The following P2RY12 variants were observed in gnomAD, a reference collection of about 807,000 sequenced individuals.
The protein encoded by P2RY12 is P2Y purinoceptor 12.
P2RY12 carries 3 observed loss-of-function variants against 4.5 expected under a neutral mutation model. The ratio of observed to expected loss-of-function variants is 0.67; its 90% CI spans 0.31 to 1.74. The LOEUF (loss-of-function observed/expected upper bound fraction) is 1.74, where lower values mean the gene tolerates loss of function less well. Ranked by LOEUF, P2RY12 falls within the 40% of genes most tolerant of loss-of-function variation. The probability of loss-of-function intolerance (pLI) is 0.09; values close to 1 mark genes in which losing one functional copy is unlikely to be tolerated. For missense variants in P2RY12, 356 were observed against 407.8 expected, an observed-to-expected ratio of 0.87 and a Z score of 1.09; for synonymous variants, 148 against 154.1, an observed-to-expected ratio of 0.96 and a Z score of 0.29.
At chr3:151,380,053 C>T in intron 1 of P2RY12, 1 of 1,050,756 alleles carries the variant, frequency 9.5e-7, no homozygotes, top group Non-Finnish European at 1.4e-6. Flanking sequence ...ATGAATGTTG[C>T]CAGAGGAAGT....
intron 1 of P2RY12, chr3:151,365,139 G>A (rs760921361): frequency 3.0e-5 from 48 of 1,613,914 alleles, no homozygotes; most frequent in Non-Finnish European, 4.0e-5. Flanking sequence ...TGACAATGCG[G>A]CCAATCGCTA....
Position 151,338,824 on chromosome 3 carries a change from T to C in P2RY12, c.22A>G (p.Thr8Ala). The change falls in exon 3 of 3, where the codon ACC becomes GCC. Residue 8 changes from threonine (T) to alanine (A), a missense_variant. Thr to Ala is a moderately conservative substitution (Grantham distance 58). Coordinates refer to ENST00000302632, the MANE Select transcript of P2RY12 (RefSeq NM_022788.5). MQAVDNLTSAPGNTSLCT... is the reference protein window; with the variant it reads MQAVDNLASAPGNTSLCT... ...AGACTGGTGTTACCAGGCGCAGAGG[T>C]GAGGTTGTCGACGGCTTGCATTTCT... is the stretch of plus-strand genomic sequence containing the variant. 6.2e-7 allele frequency: 1 copy of C among 1,613,612 alleles called. No homozygotes were observed. The highest frequency in any genetic ancestry group is 8.5e-7 in the Non-Finnish European group (1 of 1,179,818).
chr3:151,365,595 G>A (rs1476515994), intron 1 of P2RY12, among the ~76,000 whole-genome samples: 5 of 152,132 alleles, frequency 3.3e-5, no homozygotes, highest in Non-Finnish European at 5.9e-5. Flanking sequence ...ATTTATTCAC[G>A]AAACTAAAAA....
At chr3:151,343,682 G>C (rs1201686183) in intron 1 of P2RY12, among the ~76,000 whole-genome samples, 2 of 152,276 alleles carry the variant, frequency 1.3e-5, no homozygotes, top group East Asian at 1.9e-4. Flanking sequence ...GCTAACTTTG[G>C]TTGGTTTGGT....
intron 1 of P2RY12, chr3:151,350,338 G>A (rs1753066109): frequency 2.7e-6 from 2 of 736,768 alleles, no homozygotes; most frequent in Non-Finnish European, 4.0e-6. Flanking sequence ...ACATTGAAAT[G>A]TGAACAAGCA....
chr3:151,353,123 CA>C (rs1753444773), intron 1 of P2RY12, among the ~76,000 whole-genome samples: 1 of 152,124 alleles, frequency 6.6e-6, no homozygotes, highest in Non-Finnish European at 1.5e-5. Flanking sequence ...TCCATTAACA[CA>C]AACAAATAAA....
intron 1 of P2RY12, among the ~76,000 whole-genome samples, chr3:151,349,021 A>G (rs1752911508): frequency 6.6e-6 from 1 of 152,246 alleles, no homozygotes; most frequent in Admixed American, 6.5e-5. Flanking sequence ...AGTGCTTGCC[A>G]TGGGCAAAAA....
intron 1 of P2RY12, among the ~76,000 whole-genome samples, chr3:151,343,491 T>G (rs906555630): frequency 6.6e-6 from 1 of 152,216 alleles, no homozygotes; most frequent in African/African-American, 2.4e-5. Context: ...GGAGGAAGAC[T>G]GCCAGTTAGA....
chr3:151,380,890 C>G (rs778422735), intron 1 of P2RY12, among the ~76,000 whole-genome samples: 2 of 152,176 alleles, frequency 1.3e-5, no homozygotes, highest in Non-Finnish European at 2.9e-5. Flanking sequence ...AGCTTGGATG[C>G]CACATTATCA....
At chr3:151,379,288 TCTTCCCACATCAGGGG>T (rs1274876985) in intron 1 of P2RY12, among the ~76,000 whole-genome samples, 2 of 152,224 alleles carry the variant, frequency 1.3e-5, no homozygotes, top group Non-Finnish European at 2.9e-5. Context: ...GAAAGATCGC[TCTTCCCACATCAGGGG>T]CTCTTTATTC....
At chr3:151,366,116 C>A in intron 1 of P2RY12, 1 of 859,512 alleles carries the variant, frequency 1.2e-6, no homozygotes, top group Non-Finnish European at 1.6e-6. Flanking sequence ...TTTTTTCTTT[C>A]TCTGTCCAAA....
At chr3:151,383,407 G>A (rs1269151129) in intron 1 of P2RY12, among the ~76,000 whole-genome samples, 2 of 152,216 alleles carry the variant, frequency 1.3e-5, no homozygotes, top group Non-Finnish European at 2.9e-5. Context: ...TAATTGTACA[G>A]CAAACACAAA....
At chr3:151,344,212 G>A (rs2149980591) in intron 1 of P2RY12, among the ~76,000 whole-genome samples, 1 of 151,902 alleles carries the variant, frequency 6.6e-6, no homozygotes, top group South Asian at 2.1e-4. Context: ...TATAAGCTGT[G>A]TAGAACAAAG....
chr3:151,357,131 A>T (rs1754031820), intron 1 of P2RY12: 1 of 1,183,468 alleles, frequency 8.4e-7, no homozygotes, highest in East Asian at 2.5e-5. Flanking sequence ...ATGACTCAGT[A>T]TATCTATGGT....
chr3:151,371,969 T>C (rs1247419257), intron 1 of P2RY12, among the ~76,000 whole-genome samples: 1 of 152,228 alleles, frequency 6.6e-6, no homozygotes, highest in Non-Finnish European at 1.5e-5. Flanking sequence ...TTCTAATTTG[T>C]ATGTTACAGA....
intron 1 of P2RY12, among the ~76,000 whole-genome samples, chr3:151,379,371 A>ATTTGTC (rs1193131665): frequency 1.3e-5 from 2 of 152,162 alleles, no homozygotes; most frequent in African/African-American, 4.8e-5. Flanking sequence ...ATTTTAAGAA[A>ATTTGTC]TTTGTCTTTC....
intron 1 of P2RY12, among the ~76,000 whole-genome samples, chr3:151,354,067 G>A (rs1324324708): frequency 6.8e-6 from 1 of 148,110 alleles, no homozygotes; most frequent in Non-Finnish European, 1.5e-5. Flanking sequence ...CGTGAACCCG[G>A]GAGGCGGAGC....
At chr3:151,347,089 A>T (rs184554314) in intron 1 of P2RY12, among the ~76,000 whole-genome samples, 2 of 152,246 alleles carry the variant, frequency 1.3e-5, no homozygotes, top group Non-Finnish European at 2.9e-5. Flanking sequence ...AACTTCTTAG[A>T]TACCTCTTCA....
chr3:151,339,994 T>C (rs1751603669), intron 2 of P2RY12, among the ~76,000 whole-genome samples: 1 of 152,188 alleles, frequency 6.6e-6, no homozygotes, highest in Admixed American at 6.6e-5. Flanking sequence ...GATAAATGAA[T>C]GTAGCACTTA....
Sources: allele counts gnomAD v4.1 joint callset (sites outside exome capture counted in the v4.1 genomes callset), GRCh38; gene constraint gnomAD v4.1.1; transcripts MANE v1.5; gene names NCBI Gene and HGNC (gene_info 2026-07-23, HGNC 2026-07-21).